Variants in ANKRD60 observed in about 807,000 individuals in gnomAD.
The protein encoded by ANKRD60 is ankyrin repeat domain 60.
Under a neutral mutation model 21.3 loss-of-function variants are expected in ANKRD60, and 24 were observed. That is an observed-to-expected ratio of 1.13 (90% confidence interval 0.82 to 1.59). The LOEUF (loss-of-function observed/expected upper bound fraction) is 1.59. Ranked by LOEUF, ANKRD60 falls within the 40% of genes most tolerant of loss-of-function variation. The pLI is 0.00. For synonymous variants in ANKRD60, 182 were observed against 199.4 expected (o/e 0.91, Z 0.74); for missense variants, 490 against 466.7 (o/e 1.05, Z -0.46).
chr20:58,228,572 C>A lies in ANKRD60; in HGVS notation c.82G>T (p.Ala28Ser), dbSNP rs1206677888. Residue 28 changes from alanine to serine, a missense_variant, in exon 1 of 4, where the codon GCC becomes TCC. Coordinates refer to ENST00000457363, the Ensembl canonical transcript of ANKRD60. This position sits in a 1 kb window ranked among gnomAD's most constrained non-coding sequence, Gnocchi z 5.3. ...CCCGCATTGGGGTGCAGGCGAGAGG[C>A]GCCCCCAGTTGGCCCCGCCGCCCGC... 1.7e-6 allele frequency: 2 copies of A among 1,202,328 alleles called. No individual in the cohort carries two copies. The highest frequency in any genetic ancestry group is 3.6e-5 in the East Asian group (1 of 27,876). The allele number at this position is 1,202,328 out of a possible 1,614,324, so 74.5% of individuals were successfully genotyped here.
At chr20:58,220,674 G>A (rs550894612) in intron 3 of ANKRD60, among the ~76,000 whole-genome samples, 1 of 149,958 alleles carries the variant, frequency 6.7e-6, no homozygotes, top group Non-Finnish European at 1.5e-5. Flanking sequence ...CTATTTTGGG[G>A]TTTTTTCTAG....
intron 3 of ANKRD60, 78 bp downstream of exon 3, chr20:58,221,260 G>C: frequency 7.0e-7 from 1 of 1,435,850 alleles, no homozygotes; most frequent in East Asian, 2.5e-5. Flanking sequence ...GGAAGGACTG[G>C]GAACACAAGA....
chr20:58,221,410 T>C (rs1444336445), exon 3 of ANKRD60: 1 of 1,552,228 alleles, frequency 6.4e-7, no homozygotes, highest in Admixed American at 2.0e-5. Context: ...ACAAACGCCC[T>C]CTGAGACGTC....
chr20:58,219,332 A>G (rs1318961902), intron 3 of ANKRD60, among the ~76,000 whole-genome samples: 2 of 152,220 alleles, frequency 1.3e-5, no homozygotes, highest in Admixed American at 6.5e-5. Flanking sequence ...TAGACACTCT[A>G]CATCTTCACA....
At position 58,223,718 on chromosome 20, in the gene ANKRD60, G is replaced by A. The variant is rs932355485; in HGVS notation, c.431-536C>T. Among the ~76,000 whole-genome samples the A allele has an allele frequency of 3.9e-5, 6 of 152,308 alleles. No homozygotes were observed. In the East Asian group the frequency reaches 1.2e-3, roughly 29 times the overall value. On this transcript the variant is annotated intron_variant, in intron 1 of 3. Coordinates refer to ENST00000457363, the Ensembl canonical transcript of ANKRD60. ...CAGTTTAGACTGGGTAACTCCTTGT[G>A]GCAGGGGCCCCTCCTCGTTGTCTGG...
downstream of ANKRD60, chr20:58,218,392 T>C (rs572072901): frequency 1.5e-5 from 17 of 1,121,602 alleles, no homozygotes; most frequent in East Asian, 3.1e-4. Flanking sequence ...TTCAGGTTAA[T>C]TGCCCTGTTT....
At chr20:58,220,828 C>A (rs932997892) in intron 3 of ANKRD60, among the ~76,000 whole-genome samples, 1 of 151,966 alleles carries the variant, frequency 6.6e-6, no homozygotes, top group African/African-American at 2.4e-5. Flanking sequence ...GGGGTTTCAC[C>A]AGGCTGGTTG....
chr20:58,225,393 C>T (rs1568838034), intron 1 of ANKRD60, among the ~76,000 whole-genome samples: 1 of 152,180 alleles, frequency 6.6e-6, no homozygotes, highest in Non-Finnish European at 1.5e-5. Context: ...AGAGTAGGCT[C>T]AAAACACATT....
exon 4 of ANKRD60, chr20:58,218,637 G>A: frequency 6.4e-7 from 1 of 1,551,804 alleles, no homozygotes; most frequent in Non-Finnish European, 8.7e-7. Flanking sequence ...CTCGCTCAGT[G>A]TGTGGTTCAG....
At chr20:58,221,567 G>A in intron 2 of ANKRD60, 64 bp from the exon 3 acceptor site, 3 of 1,506,286 alleles carry the variant, frequency 2.0e-6, no homozygotes, top group South Asian at 2.4e-5. Flanking sequence ...CTGGACGGCT[G>A]ATGGGGCATG....
chr20:58,218,537 C>T, exon 4 of ANKRD60: 1 of 1,551,770 alleles, frequency 6.4e-7, no homozygotes. Context: ...TAAACCCAGA[C>T]TTGACCCTCT....
At chr20:58,223,286 AT>A in intron 1 of ANKRD60, 104 bp from the exon 2 acceptor site, 3 of 977,208 alleles carry the variant, frequency 3.1e-6, no homozygotes, top group Non-Finnish European at 4.4e-6. Flanking sequence ...CACAAAGATA[AT>A]TTTAGAAATA....
intron 1 of ANKRD60, among the ~76,000 whole-genome samples, chr20:58,227,361 T>A (rs1244128855): frequency 2.0e-5 from 3 of 150,914 alleles, no homozygotes; most frequent in Admixed American, 6.6e-5. Context: ...ATGGACAGGG[T>A]TTGTTTTGAT....
intron 3 of ANKRD60, 80 bp from the exon 4 acceptor site, chr20:58,218,885 C>T: frequency 7.3e-7 from 1 of 1,364,900 alleles, no homozygotes; most frequent in Non-Finnish European, 9.8e-7. Context: ...GAAGGGAGTG[C>T]TCCTCAGGGA....
exon 3 of ANKRD60, chr20:58,221,392 A>G (rs749856921): frequency 5.2e-6 from 8 of 1,552,290 alleles, no homozygotes; most frequent in African/African-American, 1.4e-5. Flanking sequence ...GAGGCCACAT[A>G]CAACGCCACA....
intron 3 of ANKRD60, among the ~76,000 whole-genome samples, chr20:58,220,923 G>A (rs1171461126): frequency 3.9e-5 from 6 of 152,080 alleles, no homozygotes; most frequent in South Asian, 2.1e-4. Flanking sequence ...ATGAGCCACC[G>A]TGCCTGGCCA....
exon 2 of ANKRD60, chr20:58,223,148 A>G: frequency 6.4e-7 from 1 of 1,551,484 alleles, no homozygotes; most frequent in South Asian, 1.2e-5. Flanking sequence ...GAACAACATC[A>G]TGGAACTTCA....
chr20:58,221,437 C>T (rs1416217188), exon 3 of ANKRD60: 60 of 1,552,114 alleles, frequency 3.9e-5, no homozygotes, highest in Non-Finnish European at 5.2e-5. Flanking sequence ...TTCCACTTCT[C>T]ACCCTCAAAA....
intron 3 of ANKRD60, among the ~76,000 whole-genome samples, chr20:58,221,047 A>G (rs1984240624): frequency 1.3e-5 from 2 of 152,256 alleles, no homozygotes; most frequent in South Asian, 4.1e-4. Flanking sequence ...TGAACCAGGG[A>G]TCCTTTATAG....
Sources: gnomAD v4.1 joint callset for allele counts (sites outside exome capture counted in the v4.1 genomes callset) on GRCh38, gnomAD v4.1.1 for gene constraint, Gnocchi (gnomAD v3.1) non-coding constraint, MANE v1.5 for transcripts, NCBI Gene and HGNC (gene_info 2026-07-23, HGNC 2026-07-21) for gene names.